Variants in UGT1A6 observed in about 807,000 individuals in gnomAD.
UGT1A6 encodes UDP-glucuronosyltransferase 1A6.
Under a neutral mutation model 44.4 loss-of-function variants are expected in UGT1A6, and 32 were observed. The ratio of observed to expected loss-of-function variants is 0.72; its 90% CI spans 0.54 to 0.97. The LOEUF is 0.97. Among genes scored for constraint, UGT1A6 ranks in the 50% least tolerant of loss-of-function variants. The pLI is 0.00. For missense variants in UGT1A6, 685 were observed against 661.9 expected (o/e 1.03, Z -0.38); for synonymous variants, 238 against 248.5 (o/e 0.96, Z 0.40).
At chr2:233,695,979 G>A (rs568625801) in intron 1 of UGT1A6, among the ~76,000 whole-genome samples, 1 of 152,236 alleles carries the variant, frequency 6.6e-6, no homozygotes, top group African/African-American at 2.4e-5. Flanking sequence ...CAGTTCTGAA[G>A]ATGTCCACCT....
intron 1 of UGT1A6, among the ~76,000 whole-genome samples, chr2:233,699,464 C>G (rs1471527294): frequency 6.6e-6 from 1 of 152,156 alleles, no homozygotes; most frequent in Non-Finnish European, 1.5e-5. Flanking sequence ...CAAAGGAGGT[C>G]AGAAGTAAAT....
intron 1 of UGT1A6, among the ~76,000 whole-genome samples, chr2:233,759,231 T>G (rs911541986): frequency 6.6e-6 from 1 of 152,228 alleles, no homozygotes; most frequent in African/African-American, 2.4e-5. Context: ...AAATGAAGGA[T>G]GGAAACTTGC....
intron 1 of UGT1A6, among the ~76,000 whole-genome samples, chr2:233,763,269 T>C (rs934722016): frequency 6.6e-6 from 1 of 152,266 alleles, no homozygotes; most frequent in Non-Finnish European, 1.5e-5. Context: ...TCTTGTTGCA[T>C]GTTTTAATCT....
chr2:233,739,790 G>A (rs1360143620), intron 1 of UGT1A6, among the ~76,000 whole-genome samples: 4 of 152,122 alleles, frequency 2.6e-5, no homozygotes, highest in Admixed American at 2.6e-4. Context: ...GACTTTGGAG[G>A]ACAGTTGGGA....
At chr2:233,731,342 T>C (rs749214489) in intron 1 of UGT1A6, among the ~76,000 whole-genome samples, 10 of 152,040 alleles carry the variant, frequency 6.6e-5, no homozygotes, top group Non-Finnish European at 1.2e-4. Context: ...AATTGCAGGT[T>C]TGATACATAG....
At position 233,742,113 on chromosome 2, in the gene UGT1A6, C is replaced by T. The variant is rs368055004; in HGVS notation, c.862-24921C>T. On this transcript the variant is annotated intron_variant, in intron 1 of 4. Coordinates refer to ENST00000305139, the MANE Select transcript of UGT1A6 (RefSeq NM_001072.4). ...TTCCAGGACCCACTGCCAAGACCAGCTTGGTCGTGGAGACCCTAACCCAGC... is the reference window on the plus strand; with the variant it reads ...TTCCAGGACCCACTGCCAAGACCAGTTTGGTCGTGGAGACCCTAACCCAGC... 2.0e-4 allele frequency among the ~76,000 whole-genome samples: 30 copies of T among 151,982 alleles called. 1 individual carries two copies. The highest frequency in any genetic ancestry group is 7.0e-4 in the African/African-American group (29 of 41,250).
intron 1 of UGT1A6, among the ~76,000 whole-genome samples, chr2:233,762,481 T>C (rs948381917): frequency 6.6e-6 from 1 of 152,238 alleles, no homozygotes; most frequent in African/African-American, 2.4e-5. Context: ...ATCACTCCAG[T>C]TTTAAATGCT....
At chr2:233,763,030 G>T (rs1698223178) in intron 1 of UGT1A6, among the ~76,000 whole-genome samples, 1 of 152,142 alleles carries the variant, frequency 6.6e-6, no homozygotes, top group South Asian at 2.1e-4. Flanking sequence ...GTTAGCCATT[G>T]TTTTCTGAAC....
rs1040596623 is a variant in UGT1A6, at chr2:233,743,965, G to C, written c.862-23069G>C. ...CAGGCACTGGCACAGCGAGCGGCAA[G>C]GCTGCCAGCACCCAGGCGCAGGCCC... On this transcript the variant is annotated intron_variant, in intron 1 of 4. Transcript: ENST00000305139. 3 of 1,330,116 alleles carry C rather than the reference G, an allele frequency of 2.3e-6. No homozygotes were observed. The African/African-American group carries it at 4.5e-5, about 20-fold the overall frequency. 82.4% of individuals were successfully genotyped at this position (1,330,116 alleles called of 1,614,324 possible). A position where few individuals can be genotyped will look rare whatever the true frequency, so the allele number is the denominator to read the frequency against.
rs1699952457 is a variant in UGT1A6, at chr2:233,769,841, G to C, written c.1301+1402G>C. On this transcript the variant is annotated intron_variant, in intron 4 of 4. Coordinates refer to ENST00000305139, the MANE Select transcript of UGT1A6 (RefSeq NM_001072.4). This position sits in a 1 kb window ranked among gnomAD's most constrained non-coding sequence, Gnocchi z 4.4. The stretch of plus-strand genomic sequence containing the variant: ...CTGCACTCCAGCAACCTGGGCAACA[G>C]AGTGAGACCCTGTCTCAAAAAAAAA... The C allele has an allele frequency of 1.8e-6, 1 of 550,096 alleles. No homozygotes were observed. Among genetic ancestry groups the C allele is most frequent in the Non-Finnish European group, 2.8e-6 (1 of 353,910 alleles). The allele number at this position is 550,096 out of a possible 1,614,324, so 34.1% of individuals were successfully genotyped here. A position where few individuals can be genotyped will look rare whatever the true frequency, so the allele number is the denominator to read the frequency against.
chr2:233,743,851 C>A lies in UGT1A6; in HGVS notation c.862-23183C>A, dbSNP rs375874968. The A allele has an allele frequency of 4.4e-6, 6 of 1,367,244 alleles. No individual in the cohort carries two copies. The Admixed American group carries it at 1.1e-4, about 26-fold the overall frequency. The allele number at this position is 1,367,244 out of a possible 1,614,324, so 84.7% of individuals were successfully genotyped here. A position where few individuals can be genotyped will look rare whatever the true frequency, so the allele number is the denominator to read the frequency against. ...GCCACTTGAGCGCCAGCTTGCGGTA[C>A]GCCTTCTTGATGGCCTCGGATGAGG... is the stretch of plus-strand genomic sequence containing the variant. On this transcript the variant is annotated intron_variant, in intron 1 of 4. Transcript: ENST00000305139.
chr2:233,728,185 C>T (rs1270906872), intron 1 of UGT1A6, among the ~76,000 whole-genome samples: 1 of 152,200 alleles, frequency 6.6e-6, no homozygotes, highest in African/African-American at 2.4e-5. Flanking sequence ...CTTATCAGAA[C>T]TTGGTGCTGG....
At chr2:233,695,806 G>A (rs1375966013) in intron 1 of UGT1A6, among the ~76,000 whole-genome samples, 3 of 152,098 alleles carry the variant, frequency 2.0e-5, no homozygotes, top group Non-Finnish European at 4.4e-5. Context: ...CTATCTGTGA[G>A]TGGAAAACAA....
intron 1 of UGT1A6, chr2:233,747,599 G>A: frequency 6.3e-7 from 1 of 1,574,950 alleles, no homozygotes; most frequent in Non-Finnish European, 8.7e-7. Flanking sequence ...GGTCTTGTGT[G>A]GAGCTACTGC....
At position 233,760,380 on chromosome 2, in the gene UGT1A6, G is replaced by C. The variant is rs768058050; in HGVS notation, c.862-6654G>C. 4.3e-6 allele frequency: 7 copies of C among 1,614,074 alleles called. No individual in the cohort carries two copies. The East Asian group carries it at 1.6e-4, about 36-fold the overall frequency. ...TGGTGTCCCATGCTGGGAAGATACT[G>C]TTGATCCCAGTGGATGGCAGCCACT... On this transcript the variant is annotated intron_variant, in intron 1 of 4. Transcript: ENST00000305139.
Position 233,719,056 on chromosome 2 carries a change from C to A in UGT1A6, c.861+25191C>A, listed in dbSNP as rs772884705. ...GAAGAGAAATTTTTCACCCTGACAGCCTATGCTGTTCCATGGACCCAGAAG... is the reference window on the plus strand; with the variant it reads ...GAAGAGAAATTTTTCACCCTGACAGACTATGCTGTTCCATGGACCCAGAAG... On this transcript the variant is annotated intron_variant, in intron 1 of 4. Transcript: ENST00000305139. 197 of 1,614,166 alleles carry A rather than the reference C, an allele frequency of 1.2e-4. 1 individual carries two copies. The highest frequency in any genetic ancestry group is 1.6e-4 in the Non-Finnish European group (189 of 1,180,058).
intron 1 of UGT1A6, chr2:233,713,190 A>G: frequency 6.2e-7 from 1 of 1,614,244 alleles, no homozygotes; most frequent in Non-Finnish European, 8.5e-7. Flanking sequence ...GGAGGTGAAT[A>G]TGTACATCAA....
chr2:233,754,397 T>G (rs1695471341), intron 1 of UGT1A6: 2 of 336,018 alleles, frequency 6.0e-6, no homozygotes, highest in African/African-American at 4.3e-5. Flanking sequence ...GTCCTATCCG[T>G]GCAGTCCCAA....
intron 1 of UGT1A6, among the ~76,000 whole-genome samples, chr2:233,704,412 T>C (rs965264782): frequency 1.8e-4 from 28 of 152,182 alleles, no homozygotes; most frequent in African/African-American, 6.5e-4. Context: ...TTCAGATTTA[T>C]ACCAACTTAA....
Sources: allele counts gnomAD v4.1 joint callset (sites outside exome capture counted in the v4.1 genomes callset), GRCh38; gene constraint gnomAD v4.1.1; non-coding constraint Gnocchi (gnomAD v3.1); transcripts MANE v1.5; gene names NCBI Gene and HGNC (gene_info 2026-07-23, HGNC 2026-07-21).